B3GALT1: variants seen among roughly 807,000 people sequenced by gnomAD.
B3GALT1 encodes the protein UDP-Gal:betaGlcNAc beta 1,3-galactosyltransferase, polypeptide 1.
Under a neutral mutation model 23.2 loss-of-function variants are expected in B3GALT1, and 10 were observed. The ratio of observed to expected loss-of-function variants is 0.43; its 90% CI spans 0.27 to 0.73. The LOEUF is 0.73. B3GALT1 is among the 30% of genes least tolerant of loss of function. B3GALT1 has a pLI of 0.21. For synonymous variants in B3GALT1, 156 were observed against 141.5 expected (o/e 1.10, Z -0.73); for missense variants, 299 against 405.4 (o/e 0.74, Z 2.25).
chr2:167,748,623 C>G lies in B3GALT1; in HGVS notation c.-351-70049C>G, dbSNP rs188937574. ...GGCAACTATGTGGAAGTGCATGACTCGGAATGTCAGGCAAAACTTAATGGA... is the reference window on the plus strand; with the variant it reads ...GGCAACTATGTGGAAGTGCATGACTGGGAATGTCAGGCAAAACTTAATGGA... On this transcript the variant is annotated intron_variant, in intron 3 of 4. Transcript: ENST00000392690. 2.0e-5 allele frequency among the ~76,000 whole-genome samples: 3 copies of G among 152,158 alleles called. No individual in the cohort carries two copies. The East Asian group carries it at 5.8e-4, about 29-fold the overall frequency.
chr2:167,369,796 C>A (rs575837610), intron 1 of B3GALT1, among the ~76,000 whole-genome samples: 2 of 152,016 alleles, frequency 1.3e-5, no homozygotes, highest in Non-Finnish European at 2.9e-5. Flanking sequence ...TAAATAAAAA[C>A]CAAGTTTTAG....
chr2:167,330,197 T>C (rs1696951494), intron 1 of B3GALT1, among the ~76,000 whole-genome samples: 1 of 151,470 alleles, frequency 6.6e-6, no homozygotes, highest in Admixed American at 6.6e-5. Context: ...ACAAAGGCAT[T>C]GCTCATTCTT....
At chr2:167,749,980 G>GA (rs138791063) in intron 3 of B3GALT1, among the ~76,000 whole-genome samples, 6,421 of 152,152 alleles carry the variant, frequency 0.042, 484 homozygotes, top group African/African-American at 0.15. Context: ...TCAGTGCAAA[G>GA]AAAAAAATAA....
At chr2:167,841,613 T>C (rs1177400409) in intron 4 of B3GALT1, among the ~76,000 whole-genome samples, 1 of 152,246 alleles carries the variant, frequency 6.6e-6, no homozygotes, top group East Asian at 1.9e-4. Flanking sequence ...AACCACCTAA[T>C]GAGGACAGAA....
intron 1 of B3GALT1, among the ~76,000 whole-genome samples, chr2:167,308,101 A>G (rs758594436): frequency 2.6e-5 from 4 of 152,050 alleles, no homozygotes; most frequent in Non-Finnish European, 5.9e-5. Context: ...AGAATTGTTA[A>G]TCTTTTTATA....
chr2:167,465,388 AT>A (rs1221714574), intron 1 of B3GALT1, among the ~76,000 whole-genome samples: 4 of 152,154 alleles, frequency 2.6e-5, no homozygotes, highest in Admixed American at 2.0e-4. Context: ...AAATTATAGA[AT>A]TTTTTTCCTC....
At chr2:167,491,629 A>G (rs552271970) in intron 2 of B3GALT1, among the ~76,000 whole-genome samples, 160 of 152,008 alleles carry the variant, frequency 1.1e-3, no homozygotes, top group Non-Finnish European at 1.7e-3. Flanking sequence ...CCTGGCTAAC[A>G]TGGTGAAACC....
At chr2:167,300,441 G>T (rs12105767) in intron 1 of B3GALT1, among the ~76,000 whole-genome samples, 27,368 of 152,024 alleles carry the variant, frequency 0.18, 3,348 homozygotes, top group African/African-American at 0.35. Context: ...GTTGTAAAAT[G>T]TACAGATATT....
At chr2:167,730,151 C>G (rs1426810033) in intron 3 of B3GALT1, among the ~76,000 whole-genome samples, 2 of 152,188 alleles carry the variant, frequency 1.3e-5, no homozygotes, top group African/African-American at 4.8e-5. Flanking sequence ...TATTTTCTGG[C>G]TTACTATATC....
intron 3 of B3GALT1, among the ~76,000 whole-genome samples, chr2:167,769,895 C>A (rs73971255): frequency 0.024 from 3,616 of 152,138 alleles, 150 homozygotes; most frequent in East Asian, 0.12. Flanking sequence ...ATTTTAATTT[C>A]ATTTGAAATA....
intron 3 of B3GALT1, among the ~76,000 whole-genome samples, chr2:167,703,933 G>C (rs1392758229): frequency 1.6e-4 from 24 of 152,088 alleles, no homozygotes; most frequent in Non-Finnish European, 5.9e-5. Context: ...TGTAATCCCA[G>C]CACTTTGGGA....
rs543285564 is a variant in B3GALT1 at position 167,393,188 on chromosome 2, T to C, written c.-510-96989T>C. Among the ~76,000 whole-genome samples the C allele has an allele frequency of 1.3e-3, 199 of 150,562 alleles. No homozygotes were observed. The Middle Eastern group carries it at 0.014, about 10-fold the overall frequency. On this transcript the variant is annotated intron_variant, in intron 1 of 4. Coordinates refer to ENST00000392690, the MANE Select transcript of B3GALT1 (RefSeq NM_020981.4). ...GGCGGAGCTTGCAGTGAGCCGAGAT[T>C]GCGCCACTGCACTCCAGCCTGGGCG...
At chr2:167,772,730 C>T (rs996901806) in intron 3 of B3GALT1, among the ~76,000 whole-genome samples, 1 of 152,166 alleles carries the variant, frequency 6.6e-6, no homozygotes, top group Non-Finnish European at 1.5e-5. Context: ...TATTAATCTT[C>T]TAAACATTTT....
chr2:167,727,278 C>T (rs1248474989), intron 3 of B3GALT1, among the ~76,000 whole-genome samples: 1 of 152,114 alleles, frequency 6.6e-6, no homozygotes, highest in East Asian at 1.9e-4. Context: ...AATCTTCAGT[C>T]GTTCTAATTT....
intron 2 of B3GALT1, among the ~76,000 whole-genome samples, chr2:167,531,491 C>T (rs1683325911): frequency 6.6e-6 from 1 of 152,036 alleles, no homozygotes; most frequent in Admixed American, 6.6e-5. Context: ...TTATTAAAGC[C>T]AGTCACAAAA....
rs555663946 is a variant in B3GALT1 at position 167,561,935 on chromosome 2, A to C, written c.-410+71658A>C. 5.4e-4 allele frequency among the ~76,000 whole-genome samples: 83 copies of C among 152,294 alleles called. No homozygotes were observed. The East Asian group carries it at 0.014, about 25-fold the overall frequency. ...TATTCCAGTCAGTAGAAAAAGAGGG[A>C]ATCCTCCCTAACTCATTTTATGAGG... On this transcript the variant is annotated intron_variant, in intron 2 of 4. Transcript: ENST00000392690.
At chr2:167,633,369 C>T (rs1685486746) in intron 2 of B3GALT1, among the ~76,000 whole-genome samples, 1 of 151,810 alleles carries the variant, frequency 6.6e-6, no homozygotes, top group Non-Finnish European at 1.5e-5. Flanking sequence ...CACAGACTGG[C>T]AACTTGGATA....
chr2:167,331,174 G>T (rs1200525114), intron 1 of B3GALT1, among the ~76,000 whole-genome samples: 6 of 152,118 alleles, frequency 3.9e-5, no homozygotes, highest in Non-Finnish European at 1.5e-5. Context: ...TAGAGGCTGT[G>T]GCGAAGTTAT....
At chr2:167,511,318 G>T (rs897962055) in intron 2 of B3GALT1, among the ~76,000 whole-genome samples, 7 of 152,140 alleles carry the variant, frequency 4.6e-5, no homozygotes, top group Admixed American at 4.6e-4. Flanking sequence ...CATTGGGATG[G>T]TTTTCCCCCT....
Sources: gnomAD v4.1 joint callset for allele counts (sites outside exome capture counted in the v4.1 genomes callset) on GRCh38, gnomAD v4.1.1 for gene constraint, MANE v1.5 for transcripts, NCBI Gene and HGNC (gene_info 2026-07-23, HGNC 2026-07-21) for gene names.